AMZ1: variants seen among roughly 807,000 people sequenced by gnomAD.
The protein encoded by AMZ1 is archaemetzincin-1.
Under a neutral mutation model 29.9 loss-of-function variants are expected in AMZ1, and 39 were observed. That is an observed-to-expected ratio of 1.30 (90% CI 1.01 to 1.70). AMZ1 has a LOEUF of 1.70. Ranked by LOEUF, AMZ1 falls within the 40% of genes most tolerant of loss-of-function variation. AMZ1 has a pLI of 0.00. For synonymous variants in AMZ1, 458 were observed against 304.0 expected (o/e 1.51, Z -5.27); for missense variants, 1,041 against 680.6 (o/e 1.53, Z -5.89).
upstream of AMZ1, among the ~76,000 whole-genome samples, chr7:2,685,160 G>A (rs1038927225): frequency 1.3e-5 from 2 of 151,754 alleles, no homozygotes; most frequent in African/African-American, 2.4e-5. Context: ...GAGCCGCCGC[G>A]CCCGGCCTCG....
rs1789144816 is a variant in AMZ1 at position 2,716,744 on chromosome 7, G to C, written c.*3866G>C. 6.6e-6 allele frequency among the ~76,000 whole-genome samples: 1 copy of C among 152,196 alleles called. No individual in the cohort carries two copies. Among genetic ancestry groups the C allele is most frequent in the South Asian group, 2.1e-4 (1 of 4,834 alleles). ...CCTGGACAGGCAAGTCTTCCCTAGT[G>C]GGTCAGTCAACTCCACCGCTTAAGG... On this transcript the variant is annotated 3_prime_UTR_variant, in exon 7 of 7. Transcript: ENST00000683327.
intron 4 of AMZ1, among the ~76,000 whole-genome samples, chr7:2,741,038 C>A (rs9768427): frequency 0.11 from 16,183 of 150,672 alleles, 989 homozygotes; most frequent in Middle Eastern, 0.18. Flanking sequence ...GAGCGAGACT[C>A]CGTCTCAAAA....
chr7:2,751,695 G>A (rs756133930), intron 4 of AMZ1, among the ~76,000 whole-genome samples: 2 of 152,166 alleles, frequency 1.3e-5, no homozygotes, highest in African/African-American at 2.4e-5. Context: ...CTATAGCTCC[G>A]TCAAACATTG....
At chr7:2,695,715 A>G (rs189737205) in intron 1 of AMZ1, among the ~76,000 whole-genome samples, 137 of 146,196 alleles carry the variant, frequency 9.4e-4, no homozygotes, top group Admixed American at 7.3e-3. Context: ...TGTCTCATTT[A>G]AAAAAGAAAA....
rs1789018892 is a variant in AMZ1, at chr7:2,714,735, C to T, written c.*1857C>T. On this transcript the variant is annotated 3_prime_UTR_variant, in exon 7 of 7. Coordinates refer to ENST00000683327, the MANE Select transcript of AMZ1 (RefSeq NM_001384743.1). ...CTGGAGTGTTCGTTCACACGGCTGC[C>T]AAGTGGAATTTGGCTGGGAATCTCA... is the stretch of plus-strand genomic sequence containing the variant. The T allele has an allele frequency of 6.6e-6, 1 of 152,216 alleles. No homozygotes were observed. The highest frequency in any genetic ancestry group is 2.4e-5 in the African/African-American group (1 of 41,438). The allele number at this position is 152,216 out of a possible 1,614,324, so 9.4% of individuals were successfully genotyped here. A position where few individuals can be genotyped will look rare whatever the true frequency, so the allele number is the denominator to read the frequency against.
At chr7:2,704,848 G>A (rs1016298576) in intron 3 of AMZ1, among the ~76,000 whole-genome samples, 2 of 151,840 alleles carry the variant, frequency 1.3e-5, no homozygotes, top group Non-Finnish European at 2.9e-5. Context: ...TGCCTGCCTC[G>A]GTCTCCCAAA....
At chr7:2,761,511 A>AAACC (rs1791554472), upstream of AMZ1, among the ~76,000 whole-genome samples, 1 of 152,248 alleles carries the variant, frequency 6.6e-6, no homozygotes, top group Non-Finnish European at 1.5e-5. Flanking sequence ...GCAATTCAGG[A>AAACC]TGACTAAAAA....
intron 4 of AMZ1, among the ~76,000 whole-genome samples, chr7:2,756,012 C>G (rs1231388952): frequency 6.6e-6 from 1 of 152,110 alleles, no homozygotes; most frequent in Non-Finnish European, 1.5e-5. Flanking sequence ...GAATAACAAA[C>G]CATTTTATAA....
At chr7:2,708,748 G>T in intron 4 of AMZ1, 32 bp downstream of exon 4, 2 of 1,610,900 alleles carry the variant, frequency 1.2e-6, no homozygotes, top group Middle Eastern at 1.9e-4. Flanking sequence ...TGTGCGTGGG[G>T]GGTAGCCTGG....
At chr7:2,689,738 G>A (rs1250346524) in intron 1 of AMZ1, among the ~76,000 whole-genome samples, 1 of 152,226 alleles carries the variant, frequency 6.6e-6, no homozygotes, top group African/African-American at 2.4e-5. Context: ...TGTCATGACT[G>A]CAGTTAGCAG....
rs188317973 is a variant in AMZ1 at position 2,717,378 on chromosome 7, T to C, written c.*4500T>C. ...ACGACGGCCCGTCCTCTAAGCTGGC[T>C]TTGCAGCTCCAGTAAGAGTGAGAGA... On this transcript the variant is annotated 3_prime_UTR_variant, in exon 7 of 7. Transcript: ENST00000683327. Among the ~76,000 whole-genome samples, 9 of 152,352 alleles carry C rather than the reference T, an allele frequency of 5.9e-5. No individual in the cohort carries two copies. The East Asian group carries it at 1.2e-3, about 20-fold the overall frequency.
At chr7:2,720,703 T>TTAAA (rs1554252455), downstream of AMZ1, among the ~76,000 whole-genome samples, 7 of 147,952 alleles carry the variant, frequency 4.7e-5, no homozygotes, top group African/African-American at 1.7e-4. Flanking sequence ...GCCCAGCCTT[T>TTAAA]AAAAAAAAAA....
In AMZ1 at chr7:2,709,263, G is replaced by A. The variant is rs200587200; in HGVS notation, c.771+19G>A. On this transcript the variant is annotated intron_variant, in intron 5 of 6. Transcript: ENST00000683327. ...CTGCAAGGTGGGTGGGGGCTCTGGG[G>A]CTGGTAAGAGGGGACAGGAGGGTGC... 2.7e-6 allele frequency: 4 copies of A among 1,487,128 alleles called. No individual in the cohort carries two copies. The East Asian group carries it at 7.2e-5, about 27-fold the overall frequency. 92.1% of individuals were successfully genotyped at this position (1,487,128 alleles called of 1,614,324 possible).
chr7:2,712,957 T>G lies in AMZ1; in HGVS notation c.*79T>G. The G allele has an allele frequency of 3.6e-6, 5 of 1,393,270 alleles. No homozygotes were observed. The highest frequency in any genetic ancestry group is 4.7e-6 in the Non-Finnish European group (5 of 1,063,100). 86.3% of individuals were successfully genotyped at this position (1,393,270 alleles called of 1,614,324 possible). A position where few individuals can be genotyped will look rare whatever the true frequency, so the allele number is the denominator to read the frequency against. On this transcript the variant is annotated 3_prime_UTR_variant, in exon 7 of 7. Coordinates refer to ENST00000683327, the MANE Select transcript of AMZ1 (RefSeq NM_001384743.1). ...CCAGTAGCTGAGGCCACTACTGACC[T>G]GCCAGGGATAAAGAGGAAGGGTCTG...
rs905971107 is a variant in AMZ1, at chr7:2,717,607, G to C, written c.*4729G>C. ...CAAATTTATGGCTCTTGGAACACGA[G>C]GCTGTCAAAGATAAACACCGCAGGG... On this transcript the variant is annotated 3_prime_UTR_variant, in exon 7 of 7. Coordinates refer to ENST00000683327, the MANE Select transcript of AMZ1 (RefSeq NM_001384743.1). Among the ~76,000 whole-genome samples the C allele has an allele frequency of 6.6e-6, 1 of 152,200 alleles. No individual in the cohort carries two copies. The highest frequency in any genetic ancestry group is 1.5e-5 in the Non-Finnish European group (1 of 68,052).
chr7:2,749,386 T>C (rs798505), intron 4 of AMZ1, among the ~76,000 whole-genome samples: 82,766 of 151,728 alleles, frequency 0.55, 23,265 homozygotes, highest in Non-Finnish European at 0.62. Flanking sequence ...CTAGAAACCA[T>C]CATTGTCAGC....
upstream of AMZ1, chr7:2,762,431 G>A: frequency 2.0e-6 from 1 of 500,268 alleles, no homozygotes. Context: ...CTTGGCCAAG[G>A]GCAAAAACGC....
intron 1 of AMZ1, among the ~76,000 whole-genome samples, chr7:2,698,662 C>T (rs200018471): frequency 1.3e-5 from 2 of 152,036 alleles, no homozygotes; most frequent in East Asian, 1.9e-4. Flanking sequence ...CATAGTGAGA[C>T]CCCCGTCTCT....
intron 3 of AMZ1, among the ~76,000 whole-genome samples, chr7:2,708,377 C>G (rs74952966): frequency 0.01 from 1,573 of 152,250 alleles, 20 homozygotes; most frequent in Non-Finnish European, 0.016. Context: ...TTTGACTTAC[C>G]ATGTCCTGAT....
Sources: allele counts gnomAD v4.1 joint callset (sites outside exome capture counted in the v4.1 genomes callset), GRCh38; gene constraint gnomAD v4.1.1; transcripts MANE v1.5; gene names NCBI Gene and HGNC (gene_info 2026-07-23, HGNC 2026-07-21).